Variants in CCDC91 observed in about 807,000 individuals in gnomAD.
CCDC91 encodes the protein coiled-coil domain-containing protein 91.
In CCDC91, 48 loss-of-function variants were observed where a neutral mutation model predicts 63.2. That is an observed-to-expected ratio of 0.76 (90% CI 0.60 to 0.97). The LOEUF (loss-of-function observed/expected upper bound fraction) is 0.97. Ranked by LOEUF, CCDC91 falls within the 50% of genes least tolerant of loss-of-function variation. The probability of loss-of-function intolerance (pLI) is 0.00; values close to 1 mark genes in which losing one functional copy is unlikely to be tolerated. For missense variants in CCDC91, 500 were observed against 494.6 expected (o/e 1.01, Z -0.10); for synonymous variants, 167 against 165.8 (o/e 1.01, Z -0.06).
intron 11 of CCDC91, among the ~76,000 whole-genome samples, chr12:28,464,888 G>C (rs1950477983): frequency 6.6e-6 from 1 of 152,124 alleles, no homozygotes. Context: ...TAGACCCCTA[G>C]GGTCCTCAGT....
At chr12:28,467,088 C>G (rs1453911298) in intron 11 of CCDC91, among the ~76,000 whole-genome samples, 1 of 151,982 alleles carries the variant, frequency 6.6e-6, no homozygotes, top group East Asian at 1.9e-4. Flanking sequence ...CAACCACACA[C>G]AAAGAAAGGC....
intron 3 of CCDC91, among the ~76,000 whole-genome samples, chr12:28,266,523 G>A (rs527445511): frequency 2.6e-5 from 4 of 151,908 alleles, no homozygotes; most frequent in South Asian, 2.1e-4. Flanking sequence ...AATAAATTAC[G>A]GTGGTTCTAA....
chr12:28,260,339 A>G (rs1170668253), intron 3 of CCDC91, among the ~76,000 whole-genome samples: 2 of 152,090 alleles, frequency 1.3e-5, no homozygotes, highest in Middle Eastern at 3.4e-3. Context: ...GGTGCATATA[A>G]TTTCAATAGG....
At chr12:28,268,546 C>T (rs1468155832) in intron 3 of CCDC91, 1 of 426,040 alleles carries the variant, frequency 2.3e-6, no homozygotes, top group Non-Finnish European at 3.1e-6. Flanking sequence ...ACCACATTTT[C>T]ATAGAATCTG....
intron 3 of CCDC91, among the ~76,000 whole-genome samples, chr12:28,297,554 TAAAGC>T (rs911653644): frequency 6.6e-6 from 1 of 151,876 alleles, no homozygotes; most frequent in African/African-American, 2.4e-5. Flanking sequence ...ACATTTAAAA[TAAAGC>T]AAATTGTATC....
chr12:28,196,351 C>T (rs1462649753), intron 1 of CCDC91, among the ~76,000 whole-genome samples: 3 of 149,678 alleles, frequency 2.0e-5, no homozygotes, highest in South Asian at 2.1e-4. Flanking sequence ...GTTAAACTCA[C>T]GAGTTCGTTC....
chr12:28,201,215 G>T (rs9685955), intron 1 of CCDC91, among the ~76,000 whole-genome samples: 26 of 148,162 alleles, frequency 1.8e-4, no homozygotes, highest in Non-Finnish European at 2.7e-4. Context: ...GGGCGGAGGG[G>T]CTCCTCACTT....
At chr12:28,294,879 T>A (rs1949464441) in intron 3 of CCDC91, among the ~76,000 whole-genome samples, 1 of 152,080 alleles carries the variant, frequency 6.6e-6, no homozygotes, top group Admixed American at 6.6e-5. Context: ...GCTACTACGC[T>A]TGACCTAAAC....
chr12:28,250,866 A>G (rs909078288), intron 1 of CCDC91, among the ~76,000 whole-genome samples: 1 of 151,986 alleles, frequency 6.6e-6, no homozygotes, highest in Non-Finnish European at 1.5e-5. Context: ...TTCTTGACCC[A>G]ATAAGCCTGA....
intron 5 of CCDC91, among the ~76,000 whole-genome samples, chr12:28,307,146 C>T (rs1938828353): frequency 6.6e-6 from 1 of 151,808 alleles, no homozygotes; most frequent in Non-Finnish European, 1.5e-5. Flanking sequence ...AAGATATGAA[C>T]ATCGTTTACT....
At chr12:28,411,784 A>G (rs1230290404) in intron 8 of CCDC91, among the ~76,000 whole-genome samples, 2 of 152,204 alleles carry the variant, frequency 1.3e-5, no homozygotes, top group African/African-American at 2.4e-5. Flanking sequence ...ACTCATGAAA[A>G]TCTAAAATGA....
At position 28,318,076 on chromosome 12, in the gene CCDC91, T is replaced by C. The variant is rs187469149; in HGVS notation, c.576+10327T>C. Among the ~76,000 whole-genome samples the C allele has an allele frequency of 1.1e-3, 169 of 151,754 alleles. 1 individual carries two copies. The highest frequency in any genetic ancestry group is 3.8e-3 in the African/African-American group (157 of 41,514). The stretch of plus-strand genomic sequence containing the variant: ...TTAAAAATGAAAATAGCTTTAACTC[T>C]TTTTTTATTAGAAAAAACTAGCTTA... On this transcript the variant is annotated intron_variant, in intron 6 of 12. Coordinates refer to ENST00000536442, the MANE Select transcript of CCDC91 (RefSeq NM_018318.5).
At chr12:28,500,439 A>G (rs1303429946) in intron 12 of CCDC91, among the ~76,000 whole-genome samples, 1 of 152,144 alleles carries the variant, frequency 6.6e-6, no homozygotes, top group East Asian at 1.9e-4. Context: ...CCTGAATGGT[A>G]TTGCCTAGGT....
At chr12:28,504,274 A>G (rs1045375247) in intron 12 of CCDC91, among the ~76,000 whole-genome samples, 1 of 151,926 alleles carries the variant, frequency 6.6e-6, no homozygotes, top group African/African-American at 2.4e-5. Context: ...TTTTTGTACA[A>G]TCCTATACCA....
chr12:28,524,680 AGTTCT>A (rs1190892445), intron 12 of CCDC91, among the ~76,000 whole-genome samples: 5 of 152,086 alleles, frequency 3.3e-5, no homozygotes, highest in Admixed American at 3.3e-4. Context: ...GATTGGTAAC[AGTTCT>A]TTTTTAATGT....
intron 11 of CCDC91, among the ~76,000 whole-genome samples, chr12:28,460,968 C>A (rs1430822517): frequency 6.6e-6 from 1 of 151,876 alleles, no homozygotes; most frequent in African/African-American, 2.4e-5. Context: ...ATAGAGTGTA[C>A]TTCTAGAAAC....
chr12:28,402,647 T>G (rs1946710610), intron 8 of CCDC91, among the ~76,000 whole-genome samples: 1 of 151,954 alleles, frequency 6.6e-6, no homozygotes, highest in Non-Finnish European at 1.5e-5. Context: ...TTCCTTTTTT[T>G]GTATTACTGC....
intron 6 of CCDC91, among the ~76,000 whole-genome samples, chr12:28,344,003 TAA>T (rs1334734445): frequency 6.6e-6 from 1 of 152,162 alleles, no homozygotes; most frequent in Non-Finnish European, 1.5e-5. Context: ...TCATATTTTA[TAA>T]GTCACAAATA....
intron 1 of CCDC91, among the ~76,000 whole-genome samples, chr12:28,250,816 C>A (rs1946071401): frequency 6.6e-6 from 1 of 152,058 alleles, no homozygotes; most frequent in South Asian, 2.1e-4. Flanking sequence ...CCCACACTAC[C>A]TCCAGATTTC....
Sources: gnomAD v4.1 joint callset for allele counts (sites outside exome capture counted in the v4.1 genomes callset) on GRCh38, gnomAD v4.1.1 for gene constraint, MANE v1.5 for transcripts, NCBI Gene and HGNC (gene_info 2026-07-23, HGNC 2026-07-21) for gene names.